FHIP1A: variants seen among roughly 807,000 people sequenced by gnomAD.
FHIP1A encodes the protein FHF complex subunit HOOK interacting protein 1A, also known as FHF complex subunit HOOK-interacting protein 1A.
A neutral mutation model predicts 88.6 loss-of-function variants in FHIP1A; 61 were observed. That is an observed-to-expected ratio of 0.69 (90% CI 0.56 to 0.85). FHIP1A has a LOEUF of 0.85. Among genes scored for constraint, FHIP1A ranks in the 40% least tolerant of loss-of-function variants. The pLI is 0.00. For missense variants in FHIP1A, 1,154 were observed against 1,273.5 expected, an observed-to-expected ratio of 0.91 and a Z score of 1.43; for synonymous variants, 478 against 496.0, an observed-to-expected ratio of 0.96 and a Z score of 0.48.
intron 9 of FHIP1A, among the ~76,000 whole-genome samples, chr4:151,642,056 T>C (rs577938666): frequency 6.6e-6 from 1 of 152,232 alleles, no homozygotes; most frequent in African/African-American, 2.4e-5. Context: ...GTTTCTTTCA[T>C]TTGGTGAAAT....
Position 151,578,034 on chromosome 4 carries a change from C to T in FHIP1A, c.690C>T (p.Thr230=). 9 of 1,550,886 alleles carry T rather than the reference C, an allele frequency of 5.8e-6. No individual in the cohort carries two copies. The highest frequency in any genetic ancestry group is 7.8e-6 in the Non-Finnish European group (9 of 1,146,844). ...TCATGTCTCTTTCTGCTGAGAACACCATGGTGGCCCATCACATCGTGGAGA... is the reference window on the plus strand; with the variant it reads ...TCATGTCTCTTTCTGCTGAGAACACTATGGTGGCCCATCACATCGTGGAGA... ...LFIMSLSAEN[T]MVAHHIVENT... The change falls in exon 5 of 14, where the codon ACC becomes ACT. Residue 230 remains threonine (T), a synonymous_variant. Coordinates refer to ENST00000435205, the MANE Select transcript of FHIP1A (RefSeq NM_001109977.3).
chr4:151,443,047 T>C (rs1312224330), intron 1 of FHIP1A, among the ~76,000 whole-genome samples: 1 of 152,060 alleles, frequency 6.6e-6, no homozygotes, highest in East Asian at 1.9e-4. Context: ...CAAGTTCAGC[T>C]CCTGCTTGAG....
chr4:151,595,460 T>C (rs1178951074), intron 7 of FHIP1A, among the ~76,000 whole-genome samples: 1 of 152,182 alleles, frequency 6.6e-6, no homozygotes, highest in Non-Finnish European at 1.5e-5. Flanking sequence ...GTGGTCAGTT[T>C]TAGAATATGT....
At chr4:151,641,255 A>G (rs187554369) in intron 9 of FHIP1A, among the ~76,000 whole-genome samples, 3 of 152,198 alleles carry the variant, frequency 2.0e-5, no homozygotes, top group Non-Finnish European at 2.9e-5. Context: ...GAGGACATAC[A>G]CAGAAGTCAG....
chr4:151,548,147 TA>T (rs1466349342), intron 3 of FHIP1A, among the ~76,000 whole-genome samples: 3 of 152,130 alleles, frequency 2.0e-5, no homozygotes, highest in Non-Finnish European at 4.4e-5. Context: ...CTTTAATTAA[TA>T]ATCTAGTGGA....
At chr4:151,476,575 C>T (rs1163800578) in intron 2 of FHIP1A, among the ~76,000 whole-genome samples, 4 of 152,150 alleles carry the variant, frequency 2.6e-5, no homozygotes, top group South Asian at 2.1e-4. Flanking sequence ...TTTCCATTAA[C>T]ATCAGAACCC....
intron 8 of FHIP1A, among the ~76,000 whole-genome samples, chr4:151,635,107 G>A (rs944114305): frequency 6.6e-5 from 10 of 151,712 alleles, no homozygotes; most frequent in African/African-American, 2.2e-4. Context: ...TTTCTATGAA[G>A]AAGACTTACA....
intron 3 of FHIP1A, 32 bp downstream of exon 3, chr4:151,482,680 T>A (rs1449656278): frequency 6.6e-6 from 1 of 151,914 alleles, no homozygotes; most frequent in Non-Finnish European, 1.5e-5. Context: ...ATTATTGACA[T>A]GTGTTCAGTA....
At chr4:151,541,486 A>G (rs1000039283) in intron 3 of FHIP1A, among the ~76,000 whole-genome samples, 5 of 152,264 alleles carry the variant, frequency 3.3e-5, no homozygotes, top group African/African-American at 1.2e-4. Flanking sequence ...AACATCCAAT[A>G]ATATTCATTA....
chr4:151,493,026 G>A (rs1730340358), intron 3 of FHIP1A, among the ~76,000 whole-genome samples: 1 of 151,910 alleles, frequency 6.6e-6, no homozygotes, highest in African/African-American at 2.4e-5. Context: ...AAAGGCAAAA[G>A]ATAAATGAAA....
chr4:151,594,515 A>T (rs1011320058), intron 7 of FHIP1A, among the ~76,000 whole-genome samples: 4 of 151,442 alleles, frequency 2.6e-5, no homozygotes, highest in African/African-American at 9.7e-5. Flanking sequence ...ATTTGCGTAG[A>T]GGTGTTTATA....
intron 1 of FHIP1A, among the ~76,000 whole-genome samples, chr4:151,437,914 A>G (rs1728261229): frequency 6.6e-6 from 1 of 152,214 alleles, no homozygotes; most frequent in Admixed American, 6.5e-5. Flanking sequence ...TTTAGTTTAA[A>G]AATATGTTAT....
At chr4:151,432,045 T>G (rs56365039) in intron 1 of FHIP1A, among the ~76,000 whole-genome samples, 1 of 152,192 alleles carries the variant, frequency 6.6e-6, no homozygotes, top group African/African-American at 2.4e-5. Context: ...TTATGTGCCA[T>G]AAGAAATAAT....
intron 1 of FHIP1A, among the ~76,000 whole-genome samples, chr4:151,438,451 G>T (rs544696527): frequency 5.3e-5 from 8 of 151,998 alleles, no homozygotes; most frequent in African/African-American, 1.7e-4. Flanking sequence ...TCTTTTCATT[G>T]TATTTCTCTC....
intron 4 of FHIP1A, among the ~76,000 whole-genome samples, chr4:151,568,983 A>G (rs1308898751): frequency 6.6e-6 from 1 of 152,116 alleles, no homozygotes; most frequent in African/African-American, 2.4e-5. Context: ...AATGAATGCT[A>G]CTTATTTGTT....
intron 2 of FHIP1A, among the ~76,000 whole-genome samples, chr4:151,460,411 G>A (rs1729107870): frequency 6.6e-6 from 1 of 151,964 alleles, no homozygotes. Context: ...CATCTAGTTA[G>A]TGTGTTTCTG....
intron 3 of FHIP1A, among the ~76,000 whole-genome samples, chr4:151,513,585 T>C (rs1731115347): frequency 6.6e-6 from 1 of 151,552 alleles, no homozygotes; most frequent in Admixed American, 6.6e-5. Context: ...ACACATAGGC[T>C]CAAAATAAAA....
At chr4:151,636,723 A>T (rs1366423092) in intron 8 of FHIP1A, among the ~76,000 whole-genome samples, 2 of 152,120 alleles carry the variant, frequency 1.3e-5, no homozygotes, top group Admixed American at 1.3e-4. Flanking sequence ...ATAGACCAGA[A>T]GACTTAATAT....
chr4:151,517,601 C>T (rs1051593753), intron 3 of FHIP1A, among the ~76,000 whole-genome samples: 8 of 151,364 alleles, frequency 5.3e-5, no homozygotes, highest in African/African-American at 1.9e-4. Context: ...TATATCCTGC[C>T]ATATATATAT....
Sources: allele counts gnomAD v4.1 joint callset (sites outside exome capture counted in the v4.1 genomes callset), GRCh38; gene constraint gnomAD v4.1.1; transcripts MANE v1.5; gene names NCBI Gene and HGNC (gene_info 2026-07-23, HGNC 2026-07-21).